Variants in GIGYF2 observed in about 807,000 individuals in gnomAD.
GIGYF2 encodes the protein GRB10 interacting GYF protein 2.
Under a neutral mutation model 208.1 loss-of-function variants are expected in GIGYF2, and 25 were observed. The observed-to-expected ratio is 0.12, with a 90% CI of 0.09 to 0.17. GIGYF2 has a LOEUF of 0.17. Ranked by LOEUF, GIGYF2 falls within the 10% of genes least tolerant of loss-of-function variation. The pLI is 1.00. For missense variants in GIGYF2, 1,302 were observed against 1,579.4 expected (o/e 0.82, Z 2.98); for synonymous variants, 534 against 543.8 (o/e 0.98, Z 0.25).
intron 6 of GIGYF2, chr2:232,760,078 G>T: frequency 5.9e-6 from 1 of 168,994 alleles, no homozygotes; most frequent in Non-Finnish European, 1.3e-5. Context: ...TTTAACTTTA[G>T]CCCCTGTCTT....
chr2:232,786,766 G>A (rs897505614), intron 8 of GIGYF2, among the ~76,000 whole-genome samples: 2 of 152,200 alleles, frequency 1.3e-5, no homozygotes, highest in Non-Finnish European at 2.9e-5. Flanking sequence ...GCGTTTGTGT[G>A]TGTGGATGAG....
chr2:232,797,453 T>C (rs1228625958), intron 14 of GIGYF2, among the ~76,000 whole-genome samples: 1 of 151,622 alleles, frequency 6.6e-6, no homozygotes, highest in East Asian at 1.9e-4. Flanking sequence ...TGTTTGTTCA[T>C]TGTTTACACT....
In GIGYF2 at chr2:232,850,264, C is replaced by T. The variant is rs764772382; in HGVS notation, c.3687C>T (p.Asp1229=). 2.5e-6 allele frequency: 4 copies of T among 1,612,706 alleles called. No individual in the cohort carries two copies. In the African/African-American group the frequency reaches 4.0e-5, roughly 16 times the overall value. The part of the protein sequence containing the change: ...QQPPQQPQQQ[D]SVWGMNHSTL... ...CAGTCATGCTGCTTATTTCACAGGA[C>T]TCTGTGTGGGGGATGAACCACAGTA... Residue 1229 remains aspartate (D), a splice_region_variant and synonymous_variant, in exon 28 of 29, where the codon GAC becomes GAT. Coordinates refer to ENST00000373563, the MANE Select transcript of GIGYF2 (RefSeq NM_001103146.3).
At chr2:232,771,354 G>T in intron 8 of GIGYF2, 1 of 1,610,086 alleles carries the variant, frequency 6.2e-7, no homozygotes. Context: ...TGCAATTACT[G>T]CTGTCCATCT....
At chr2:232,735,030 A>G in intron 2 of GIGYF2, 125 bp from the exon 3 acceptor site, 3 of 620,830 alleles carry the variant, frequency 4.8e-6, no homozygotes, top group East Asian at 5.6e-5. Flanking sequence ...AGGAATTTCA[A>G]AATCTCATTT....
chr2:232,790,910 C>G lies in GIGYF2; in HGVS notation c.925C>G (p.Leu309Val). 1 of 1,613,864 alleles carries G rather than the reference C, an allele frequency of 6.2e-7. No homozygotes were observed. Among genetic ancestry groups the G allele is most frequent in the Non-Finnish European group, 8.5e-7 (1 of 1,179,776 alleles). The change falls in exon 10 of 29, where the codon CTA (leucine) becomes GTA (valine). Residue 309 changes from leucine to valine, a missense_variant. Coordinates refer to ENST00000373563, the MANE Select transcript of GIGYF2 (RefSeq NM_001103146.3). ...TFDSSGAFLS[L>V]KKVQKEPIPE... ...TGACTCATCTGGAGCATTCCTTTCT[C>G]TAAAAGTAAGAAACGTGTTTTAAAT...
intron 24 of GIGYF2, 23 bp downstream of exon 24, chr2:232,844,278 T>C: frequency 6.2e-7 from 1 of 1,605,954 alleles, no homozygotes; most frequent in Non-Finnish European, 8.5e-7. Flanking sequence ...TCCTAAGCTG[T>C]CGTTGTATGG....
At chr2:232,781,610 T>C (rs116377222) in intron 8 of GIGYF2, among the ~76,000 whole-genome samples, 3,425 of 152,222 alleles carry the variant, frequency 0.022, 133 homozygotes, top group African/African-American at 0.077. Context: ...TGTGGGAAGA[T>C]GAAAACAAAT....
chr2:232,721,321 C>T (rs933474006), intron 2 of GIGYF2, among the ~76,000 whole-genome samples: 20 of 152,232 alleles, frequency 1.3e-4, no homozygotes, highest in Admixed American at 2.6e-4. Context: ...TTGTTTAATT[C>T]CTAAGGCTTT....
At chr2:232,841,484 T>TA in intron 23 of GIGYF2, among the ~76,000 whole-genome samples, 1 of 145,122 alleles carries the variant, frequency 6.9e-6, no homozygotes, top group East Asian at 2.0e-4. Context: ...TTTTTTTTTT[T>TA]AAGTATTTTT....
intron 8 of GIGYF2, among the ~76,000 whole-genome samples, chr2:232,780,982 G>C (rs897648715): frequency 6.6e-6 from 1 of 151,894 alleles, no homozygotes; most frequent in Non-Finnish European, 1.5e-5. Flanking sequence ...TTTGGAGACG[G>C]AGTCTTGCTG....
chr2:232,793,299 C>G (rs1194386417), intron 12 of GIGYF2, among the ~76,000 whole-genome samples: 1 of 152,166 alleles, frequency 6.6e-6, no homozygotes, highest in Non-Finnish European at 1.5e-5. Context: ...GACTCCTGAG[C>G]AGTCACTATG....
chr2:232,816,141 TCAGACGTAG>T (rs1700902378), intron 19 of GIGYF2, among the ~76,000 whole-genome samples: 1 of 152,208 alleles, frequency 6.6e-6, no homozygotes, highest in Admixed American at 6.5e-5. Flanking sequence ...CTTAGTATCC[TCAGACGTAG>T]CAGCCAAAAA....
chr2:232,736,186 C>A, intron 3 of GIGYF2: 5 of 978,192 alleles, frequency 5.1e-6, no homozygotes, highest in Non-Finnish European at 6.1e-6. Context: ...GTTCTAAGAA[C>A]CGATGGAACT....
Position 232,856,902 on chromosome 2 carries a change from C to G in GIGYF2, c.*42C>G, listed in dbSNP as rs761424129. 3 of 1,306,224 alleles carry G rather than the reference C, an allele frequency of 2.3e-6. No individual in the cohort carries two copies. Among genetic ancestry groups the G allele is most frequent in the Non-Finnish European group, 2.2e-6 (2 of 898,200 alleles). 80.9% of individuals were successfully genotyped at this position (1,306,224 alleles called of 1,614,324 possible). A position where few individuals can be genotyped will look rare whatever the true frequency, so the allele number is the denominator to read the frequency against. On this transcript the variant is annotated 3_prime_UTR_variant, in exon 29 of 29. Coordinates refer to ENST00000373563, the MANE Select transcript of GIGYF2 (RefSeq NM_001103146.3). ...TGGCCATCCCTCTCCTGTCTGCCGA[C>G]TATGGAGTCTCCACCTTTGGACACA...
rs1700887552 is a variant in GIGYF2, at chr2:232,815,752, C to G, written c.2208+15C>G. 3.1e-6 allele frequency: 4 copies of G among 1,310,522 alleles called. No individual in the cohort carries two copies. The South Asian group carries it at 4.7e-5, about 15-fold the overall frequency. 81.2% of individuals were successfully genotyped at this position (1,310,522 alleles called of 1,614,324 possible). A position where few individuals can be genotyped will look rare whatever the true frequency, so the allele number is the denominator to read the frequency against. On this transcript the variant is annotated intron_variant, in intron 19 of 28. Transcript: ENST00000373563. ...AAGCTGCAAAGGTCTGAAACTCATT[C>G]TTCTGCAACAGTGCATTGTCATCTG...
chr2:232,704,329 CCTAT>C (rs994330728), intron 2 of GIGYF2, among the ~76,000 whole-genome samples: 10 of 152,162 alleles, frequency 6.6e-5, no homozygotes, highest in Non-Finnish European at 1.5e-4. Flanking sequence ...AACGTACATG[CCTAT>C]CTATCTTTTG....
chr2:232,772,231 A>ATTTAGGCTTTATTTGTTTTATTAT (rs796495972), intron 8 of GIGYF2, among the ~76,000 whole-genome samples: 9 of 152,106 alleles, frequency 5.9e-5, no homozygotes, highest in African/African-American at 2.2e-4. Context: ...GAGTTTTATG[A>ATTTAGGCTTTATTTGTTTTATTAT]TTAGGCTTTA....
intron 21 of GIGYF2, among the ~76,000 whole-genome samples, chr2:232,825,266 G>A (rs1394323429): frequency 6.6e-6 from 1 of 152,176 alleles, no homozygotes; most frequent in Admixed American, 6.5e-5. Context: ...TCCTCTGATG[G>A]ATCTGGGCAG....
Sources: gnomAD v4.1 joint callset for allele counts (sites outside exome capture counted in the v4.1 genomes callset) on GRCh38, gnomAD v4.1.1 for gene constraint, MANE v1.5 for transcripts, NCBI Gene and HGNC (gene_info 2026-07-23, HGNC 2026-07-21) for gene names.